SEC24A: variants seen among roughly 807,000 people sequenced by gnomAD.
SEC24A encodes the protein SEC24 homolog A, COPII component.
Under a neutral mutation model 129.4 loss-of-function variants are expected in SEC24A, and 93 were observed. The ratio of observed to expected loss-of-function variants is 0.72; its 90% CI spans 0.61 to 0.85. SEC24A has a LOEUF of 0.85. Ranked by LOEUF, SEC24A falls within the 40% of genes least tolerant of loss-of-function variation. The pLI is 0.00. For synonymous variants in SEC24A, 460 were observed against 467.3 expected (o/e 0.98, Z 0.20); for missense variants, 1,264 against 1,307.4 (o/e 0.97, Z 0.51).
At chr5:134,694,039 G>A in intron 13 of SEC24A, 106 bp downstream of exon 13, 2 of 867,824 alleles carry the variant, frequency 2.3e-6, no homozygotes, top group Middle Eastern at 2.8e-4. Context: ...TTGGGAGGAG[G>A]GACTATAAGG....
In SEC24A at chr5:134,649,256, TAGAG is replaced by T. The variant is rs149428236; in HGVS notation, c.97+88_97+91del. 1,396 of 1,016,600 alleles carry T rather than the reference TAGAG, an allele frequency of 1.4e-3. 50 individuals carry two copies. The East Asian group carries it at 0.038, about 28-fold the overall frequency. 63.0% of individuals were successfully genotyped at this position (1,016,600 alleles called of 1,614,324 possible). A position where few individuals can be genotyped will look rare whatever the true frequency, so the allele number is the denominator to read the frequency against. On this transcript the variant is annotated intron_variant, in intron 1 of 22. Transcript: ENST00000398844. ...CCACTGCTGCTTGAGGCGACATAGATAGAGAGAGTGACCTCCTTACCGGGTTCTG... is the reference window on the plus strand; with the variant it reads ...CCACTGCTGCTTGAGGCGACATAGATAGAGTGACCTCCTTACCGGGTTCTG...
intron 1 of SEC24A, among the ~76,000 whole-genome samples, chr5:134,650,879 A>G (rs1750025414): frequency 6.6e-6 from 1 of 151,648 alleles, no homozygotes. Flanking sequence ...GGTTCAAGCA[A>G]TTCTCCTGCC....
rs1751855390 is a variant in SEC24A at position 134,697,204 on chromosome 5, T to C, written c.2065T>C (p.Leu689=). The change falls in exon 14 of 23, where the codon TTA becomes CTA. Residue 689 remains leucine (L), a synonymous_variant. Transcript: ENST00000398844. ...DCSGQQVAVD[L]FLLSGQYSDL... is the part of the protein sequence containing the mutation. Reference sequence around the variant, plus strand: ...TTCTGGTCAGCAAGTTGCTGTTGACTTATTCCTTCTCAGTGGACAGTATTC... The same window carrying C: ...TTCTGGTCAGCAAGTTGCTGTTGACCTATTCCTTCTCAGTGGACAGTATTC... 6.2e-7 allele frequency: 1 copy of C among 1,606,442 alleles called. No individual in the cohort carries two copies. Among genetic ancestry groups the C allele is most frequent in the Non-Finnish European group, 8.5e-7 (1 of 1,174,436 alleles).
In SEC24A at chr5:134,661,422, C is replaced by A. The variant is rs763000377; in HGVS notation, c.401C>A (p.Pro134Gln). ...SSFLPEANLP[P>Q]PLNWQYNYPS... is the part of the protein sequence containing the mutation. ...TTTCTTCCTGAAGCCAACCTGCCACCACCTTTGAATTGGCAATATAACTAT... is the reference window on the plus strand; with the variant it reads ...TTTCTTCCTGAAGCCAACCTGCCACAACCTTTGAATTGGCAATATAACTAT... The change falls in exon 2 of 23, where the codon CCA (proline) becomes CAA (glutamine). Residue 134 changes from proline (P) to glutamine (Q), a missense_variant. By Grantham distance (76) the Pro-to-Gln change is moderately conservative. Transcript: ENST00000398844. The A allele has an allele frequency of 1.2e-6, 2 of 1,614,088 alleles. No individual in the cohort carries two copies. Among genetic ancestry groups the A allele is most frequent in the African/African-American group, 1.3e-5 (1 of 74,936 alleles).
At position 134,697,257 on chromosome 5, in the gene SEC24A, C is replaced by T. The variant is rs768174683; in HGVS notation, c.2107+11C>T. On this transcript the variant is annotated intron_variant, in intron 14 of 22. Transcript: ENST00000398844. ...ATTTGGCTTCTCTGGGTAAGTTCTT[C>T]GTAATGATTTTTTTTTTCCGTTAAA... is the stretch of plus-strand genomic sequence containing the variant. 1.3e-5 allele frequency: 21 copies of T among 1,579,086 alleles called. No individual in the cohort carries two copies. Among genetic ancestry groups the T allele is most frequent in the East Asian group, 6.8e-5 (3 of 44,368 alleles).
intron 16 of SEC24A, among the ~76,000 whole-genome samples, chr5:134,704,902 C>A (rs1258661372): frequency 6.6e-6 from 1 of 150,790 alleles, no homozygotes; most frequent in African/African-American, 2.4e-5. Flanking sequence ...GTCTTGAACT[C>A]CTGGCCTCAG....
intron 22 of SEC24A, 123 bp downstream of exon 22, chr5:134,723,793 T>G: frequency 1.6e-6 from 1 of 621,260 alleles, no homozygotes; most frequent in Non-Finnish European, 2.8e-6. Flanking sequence ...TAGCAGTAAA[T>G]CATACCTTAT....
At chr5:134,703,023 C>T (rs913329462) in intron 15 of SEC24A, among the ~76,000 whole-genome samples, 21 of 152,026 alleles carry the variant, frequency 1.4e-4, no homozygotes, top group Admixed American at 1.1e-3. Context: ...CACCAGCCTC[C>T]GAAAGTGTTG....
In SEC24A at chr5:134,725,276, T is replaced by C; in HGVS notation, c.*182T>C. ...CACAGCAGAGAATCAAACATGCAAC[T>C]CTGAAATACTGTATTTTTCAAATCA... On this transcript the variant is annotated 3_prime_UTR_variant, in exon 23 of 23. Transcript: ENST00000398844. 1 of 492,016 alleles carries C rather than the reference T, an allele frequency of 2.0e-6. No homozygotes were observed. Among genetic ancestry groups the C allele is most frequent in the Non-Finnish European group, 3.6e-6 (1 of 281,464 alleles). 30.5% of individuals were successfully genotyped at this position (492,016 alleles called of 1,614,324 possible). A position where few individuals can be genotyped will look rare whatever the true frequency, so the allele number is the denominator to read the frequency against.
chr5:134,667,414 G>T (rs374281361), intron 3 of SEC24A, among the ~76,000 whole-genome samples: 5 of 152,008 alleles, frequency 3.3e-5, no homozygotes, highest in African/African-American at 1.2e-4. Context: ...ACTTTGGGAG[G>T]CTGAGGCAGG....
intron 15 of SEC24A, among the ~76,000 whole-genome samples, chr5:134,702,511 T>C (rs1017827566): frequency 6.6e-6 from 1 of 152,214 alleles, no homozygotes; most frequent in Non-Finnish European, 1.5e-5. Flanking sequence ...GAATTTCTTA[T>C]TAAAAATGGT....
chr5:134,702,813 G>A (rs1580728363), intron 15 of SEC24A, among the ~76,000 whole-genome samples: 1 of 152,114 alleles, frequency 6.6e-6, no homozygotes. Flanking sequence ...CACCTAGGCT[G>A]GAGTGCAGTG....
rs564109133 is a variant in SEC24A, at chr5:134,663,024, AT to A, written c.565+1439del. Among the ~76,000 whole-genome samples the A allele has an allele frequency of 1.8e-4, 27 of 152,208 alleles. No homozygotes were observed. The South Asian group carries it at 5.4e-3, about 30-fold the overall frequency. On this transcript the variant is annotated intron_variant, in intron 2 of 22. Coordinates refer to ENST00000398844, the MANE Select transcript of SEC24A (RefSeq NM_021982.3). ...AAAAAAAATTTAAGTGTTAAAAAAA[AT>A]GTTATCTATATTATTTTCCAGGCTC...
chr5:134,698,625 GTC>G (rs1221891317), intron 15 of SEC24A, among the ~76,000 whole-genome samples: 2 of 145,082 alleles, frequency 1.4e-5, no homozygotes, highest in African/African-American at 5.0e-5. Flanking sequence ...AGAAGATAGA[GTC>G]TTGTTTTTTT....
chr5:134,716,590 G>C (rs1252571126), intron 19 of SEC24A, among the ~76,000 whole-genome samples: 1 of 151,776 alleles, frequency 6.6e-6, no homozygotes, highest in Non-Finnish European at 1.5e-5. Context: ...CTGAGGTCAG[G>C]AGTTCGAGAC....
chr5:134,667,669 C>CAAAAAAAAAAAAAAAAAAAAAAAAAAAA (rs1191699758), intron 3 of SEC24A, among the ~76,000 whole-genome samples: 2 of 115,034 alleles, frequency 1.7e-5, no homozygotes, highest in Non-Finnish European at 1.8e-5. Flanking sequence ...AAAAAAAAAA[C>CAAAAAAAAAAAAAAAAAAAAAAAAAAAA]AAAAAAAAAA....
intron 2 of SEC24A, among the ~76,000 whole-genome samples, chr5:134,663,185 C>T (rs1008357106): frequency 6.6e-6 from 1 of 152,088 alleles, no homozygotes; most frequent in Non-Finnish European, 1.5e-5. Context: ...TCAAGCTATC[C>T]TCCCGCCTCA....
chr5:134,724,977 AAGGGATGAG>A lies in SEC24A; in HGVS notation c.3168_3176del (p.Arg1056_Glu1058del). 6.4e-7 allele frequency: 1 copy of A among 1,556,184 alleles called. No individual in the cohort carries two copies. The highest frequency in any genetic ancestry group is 8.8e-7 in the Non-Finnish European group (1 of 1,130,518). ...CTAAATTTTTTTGCCTTTTATTCCT[AAGGGATGAG>A]AGTCCAATGAAAGCAAACTTCCTTC... is the stretch of plus-strand genomic sequence containing the variant. On this transcript the variant is annotated splice_acceptor_variant and coding_sequence_variant, in exon 23 of 23. Transcript: ENST00000398844. LOFTEE classifies it high-confidence loss of function.
chr5:134,650,990 A>T (rs1750029081), intron 1 of SEC24A, among the ~76,000 whole-genome samples: 1 of 151,432 alleles, frequency 6.6e-6, no homozygotes, highest in Admixed American at 6.6e-5. Context: ...GGTCAGGCTG[A>T]TGTCAAACTC....
Sources: allele counts gnomAD v4.1 joint callset (sites outside exome capture counted in the v4.1 genomes callset), GRCh38; gene constraint gnomAD v4.1.1; transcripts MANE v1.5; gene names NCBI Gene and HGNC (gene_info 2026-07-23, HGNC 2026-07-21).